Variants in CLIC4 observed in about 807,000 individuals in gnomAD.
The protein encoded by CLIC4 is chloride intracellular channel protein 4.
Under a neutral mutation model 24.6 loss-of-function variants are expected in CLIC4, and 13 were observed. That is an observed-to-expected ratio of 0.53 (90% CI 0.34 to 0.84). The LOEUF (loss-of-function observed/expected upper bound fraction) is 0.84, where lower values mean the gene tolerates loss of function less well. Ranked by LOEUF, CLIC4 falls within the 40% of genes least tolerant of loss-of-function variation. The pLI is 0.01. For synonymous variants in CLIC4, 104 were observed against 111.3 expected (o/e 0.93, Z 0.41); for missense variants, 227 against 301.7 (o/e 0.75, Z 1.83).
chr1:24,789,730 T>TAAA, intron 1 of CLIC4, among the ~76,000 whole-genome samples: 1 of 152,214 alleles, frequency 6.6e-6, no homozygotes, highest in Middle Eastern at 3.4e-3. Context: ...GGGACTTCTT[T>TAAA]ATATCTTTTT....
intron 1 of CLIC4, among the ~76,000 whole-genome samples, chr1:24,781,012 G>A (rs1216222007): frequency 1.3e-5 from 2 of 150,598 alleles, no homozygotes; most frequent in African/African-American, 4.9e-5. Flanking sequence ...GCTTGAACCT[G>A]GGAAGTGGAG....
At chr1:24,804,519 GTGGGT>G in intron 2 of CLIC4, among the ~76,000 whole-genome samples, 1 of 115,936 alleles carries the variant, frequency 8.6e-6, no homozygotes, top group African/African-American at 3.7e-5. Context: ...GTGTATGTGG[GTGGGT>G]GGGGGGATGT....
intron 2 of CLIC4, among the ~76,000 whole-genome samples, chr1:24,807,855 A>C (rs1639569287): frequency 1.3e-5 from 2 of 152,252 alleles, no homozygotes; most frequent in South Asian, 4.1e-4. Flanking sequence ...TTGACTGTTC[A>C]TTATAAAAAT....
At chr1:24,806,518 AT>A (rs1387910472) in intron 2 of CLIC4, among the ~76,000 whole-genome samples, 1 of 152,190 alleles carries the variant, frequency 6.6e-6, no homozygotes, top group African/African-American at 2.4e-5. Flanking sequence ...ATTTAAAAAA[AT>A]ATATATATAG....
intron 1 of CLIC4, among the ~76,000 whole-genome samples, chr1:24,797,470 A>G (rs1443967455): frequency 6.8e-6 from 1 of 148,094 alleles, no homozygotes; most frequent in Non-Finnish European, 1.5e-5. Flanking sequence ...GCTGCTTGGG[A>G]GGCTAAGATG....
At chr1:24,756,493 C>A in intron 1 of CLIC4, among the ~76,000 whole-genome samples, 1 of 152,032 alleles carries the variant, frequency 6.6e-6, no homozygotes, top group East Asian at 1.9e-4. Flanking sequence ...TTTTTGGTAA[C>A]AAAATTATTA....
At chr1:24,839,714 A>G (rs1639922295) in intron 4 of CLIC4, 146 bp from the exon 5 acceptor site, 1 of 641,946 alleles carries the variant, frequency 1.6e-6, no homozygotes, top group African/African-American at 1.8e-5. Context: ...CTAGGAGAGC[A>G]GGAGCCTTGT....
chr1:24,813,465 C>A (rs933928644), intron 2 of CLIC4, among the ~76,000 whole-genome samples: 7 of 152,104 alleles, frequency 4.6e-5, no homozygotes, highest in African/African-American at 1.4e-4. Context: ...GTCACCTAGG[C>A]TGGAGTGCAG....
intron 1 of CLIC4, among the ~76,000 whole-genome samples, chr1:24,776,142 A>G (rs1639138406): frequency 6.6e-6 from 1 of 152,138 alleles, no homozygotes; most frequent in Admixed American, 6.5e-5. Context: ...AGACAGATTT[A>G]TGCAGATTTT....
At chr1:24,783,003 A>C (rs973932800) in intron 1 of CLIC4, among the ~76,000 whole-genome samples, 4 of 151,882 alleles carry the variant, frequency 2.6e-5, no homozygotes, top group Admixed American at 2.6e-4. Flanking sequence ...CAAAACAAAA[A>C]CAAAAAAACA....
intron 1 of CLIC4, 80 bp from the exon 2 acceptor site, chr1:24,797,662 G>C (rs1268186445): frequency 2.1e-6 from 2 of 957,816 alleles, no homozygotes; most frequent in Non-Finnish European, 3.1e-6. Flanking sequence ...TTGTACTCTT[G>C]ATTAAAATTC....
At chr1:24,746,756 C>G (rs903910935) in intron 1 of CLIC4, among the ~76,000 whole-genome samples, 1 of 152,104 alleles carries the variant, frequency 6.6e-6, no homozygotes, top group Non-Finnish European at 1.5e-5. Flanking sequence ...TGCCTGTAAT[C>G]GCAGCACTTT....
In CLIC4 at chr1:24,745,603, C is replaced by T; in HGVS notation, c.50C>T (p.Pro17Leu). 1 of 1,580,684 alleles carries T rather than the reference C, an allele frequency of 6.3e-7. No individual in the cohort carries two copies. Among genetic ancestry groups the T allele is most frequent in the South Asian group, 1.2e-5 (1 of 86,066 alleles). Reference sequence around the variant, plus strand: ...GGGCTGAAGGAGGAGGACAAAGAGCCCCTCATCGAGCTCTTCGTCAAGGTG... The same window carrying T: ...GGGCTGAAGGAGGAGGACAAAGAGCTCCTCATCGAGCTCTTCGTCAAGGTG... ...LNGLKEEDKE[P>L]LIELFVKAGS... The change falls in exon 1 of 6, where the codon CCC (proline) becomes CTC (leucine). Residue 17 changes from proline (P) to leucine (L), a missense_variant. Physicochemically the swap from Pro to Leu is moderately conservative, Grantham distance 98. Transcript: ENST00000374379.
rs181032485 is a variant in CLIC4, at chr1:24,814,273, G to T, written c.308+54G>T. On this transcript the variant is annotated intron_variant, in intron 3 of 5. Coordinates refer to ENST00000374379, the MANE Select transcript of CLIC4 (RefSeq NM_013943.3). The stretch of plus-strand genomic sequence containing the variant: ...ATATTGTCACTTCTTTGAAGCTTGT[G>T]TTATTTGTCAGTAGAGATCTTTCTC... 4.8e-5 allele frequency: 75 copies of T among 1,572,028 alleles called. 2 individuals are homozygous for T. In the South Asian group the frequency reaches 8.1e-4, roughly 17 times the overall value.
chr1:24,820,097 A>ATAT lies in CLIC4; in HGVS notation c.308+5878_308+5879insTAT, dbSNP rs1448055026. ...TATATATGTATATATATATATATAT[A>ATAT]GACAGTATCTTGTACTGTCGCCCAG... On this transcript the variant is annotated intron_variant, in intron 3 of 5. Coordinates refer to ENST00000374379, the MANE Select transcript of CLIC4 (RefSeq NM_013943.3). Among the ~76,000 whole-genome samples, 12 of 100,364 alleles carry ATAT rather than the reference A, an allele frequency of 1.2e-4. 1 individual carries two copies. Among genetic ancestry groups the ATAT allele is most frequent in the Admixed American group, 1.1e-3 (10 of 9,010 alleles). 65.8% of individuals were successfully genotyped at this position (100,364 alleles called of 152,430 possible).
intron 2 of CLIC4, among the ~76,000 whole-genome samples, chr1:24,812,109 A>G (rs954939462): frequency 1.8e-4 from 27 of 151,992 alleles, no homozygotes; most frequent in African/African-American, 6.5e-4. Context: ...CACTTGTTTT[A>G]TCTGTCTCTC....
chr1:24,769,030 A>G (rs1639041391), intron 1 of CLIC4, among the ~76,000 whole-genome samples: 1 of 152,126 alleles, frequency 6.6e-6, no homozygotes, highest in African/African-American at 2.4e-5. Context: ...CTGTGGTCTC[A>G]GCTACTAGTG....
chr1:24,831,152 A>T (rs929977809), intron 4 of CLIC4, among the ~76,000 whole-genome samples: 1 of 152,222 alleles, frequency 6.6e-6, no homozygotes, highest in Non-Finnish European at 1.5e-5. Context: ...CGACTTCATC[A>T]GAAGTGCTTT....
intron 2 of CLIC4, among the ~76,000 whole-genome samples, chr1:24,802,055 C>T (rs1639496062): frequency 6.6e-6 from 1 of 152,138 alleles, no homozygotes; most frequent in Non-Finnish European, 1.5e-5. Context: ...CACACCCTTA[C>T]TGTGTCCTAA....
Sources: allele counts gnomAD v4.1 joint callset (sites outside exome capture counted in the v4.1 genomes callset), GRCh38; gene constraint gnomAD v4.1.1; transcripts MANE v1.5; gene names NCBI Gene and HGNC (gene_info 2026-07-23, HGNC 2026-07-21).